The following CCSER1 variants were observed in gnomAD, a reference collection of about 807,000 sequenced individuals.
The protein encoded by CCSER1 is serine-rich coiled-coil domain-containing protein 1.
A neutral mutation model predicts 82.0 loss-of-function variants in CCSER1; 41 were observed. The observed-to-expected ratio is 0.50, with a 90% CI of 0.39 to 0.65. The LOEUF is 0.65. Among genes scored for constraint, CCSER1 ranks in the 30% least tolerant of loss-of-function variants. The probability of loss-of-function intolerance (pLI) is 0.00; values close to 1 mark genes in which losing one functional copy is unlikely to be tolerated. For missense variants in CCSER1, 1,119 were observed against 1,064.2 expected, an observed-to-expected ratio of 1.05 and a Z score of -0.72; for synonymous variants, 414 against 383.9, an observed-to-expected ratio of 1.08 and a Z score of -0.92.
intron 5 of CCSER1, among the ~76,000 whole-genome samples, chr4:90,579,806 G>A (rs1318954751): frequency 6.7e-6 from 1 of 149,138 alleles, no homozygotes. Context: ...CTTTTGTGCA[G>A]TTTGACAAAT....
At position 90,901,048 on chromosome 4, in the gene CCSER1, C is replaced by CT. The variant is rs140291816; in HGVS notation, c.2095-22315dup. Among the ~76,000 whole-genome samples, 1,439 of 151,934 alleles carry CT rather than the reference C, an allele frequency of 9.5e-3. 19 individuals are homozygous for CT. Among genetic ancestry groups the CT allele is most frequent in the African/African-American group, 0.033 (1,364 of 41,474 alleles). ...AGCATCACATAATGCTCTAATTTGA[C>CT]TTTTTTTAAAAAAACTGTTGTTTAT... is the stretch of plus-strand genomic sequence containing the variant. On this transcript the variant is annotated intron_variant, in intron 8 of 10. Coordinates refer to ENST00000509176, the MANE Select transcript of CCSER1 (RefSeq NM_001145065.2).
chr4:91,483,347 A>G (rs1758048713), intron 10 of CCSER1, among the ~76,000 whole-genome samples: 1 of 152,190 alleles, frequency 6.6e-6, no homozygotes, highest in African/African-American at 2.4e-5. Context: ...CTTTCTGGCT[A>G]CTAGAAAAAT....
Position 91,594,344 on chromosome 4 carries a change from TACATATATATAC to T in CCSER1, c.2218-4200_2218-4189del, listed in dbSNP as rs1244115809. ...ATACATATATGTACACACATATATA[TACATATATATAC>T]ACATATATATACACATATATATACA... On this transcript the variant is annotated intron_variant, in intron 10 of 10. Coordinates refer to ENST00000509176, the MANE Select transcript of CCSER1 (RefSeq NM_001145065.2). 2.5e-3 allele frequency among the ~76,000 whole-genome samples: 373 copies of T among 146,888 alleles called. 1 individual carries two copies. The highest frequency in any genetic ancestry group is 0.013 in the East Asian group (68 of 5,040).
chr4:91,516,321 C>T (rs1019451788), intron 10 of CCSER1, among the ~76,000 whole-genome samples: 19 of 151,912 alleles, frequency 1.3e-4, no homozygotes, highest in African/African-American at 4.6e-4. Context: ...GGTTATTTTC[C>T]AGAGTTTTTA....
chr4:90,637,341 G>C (rs1187734371), intron 6 of CCSER1, among the ~76,000 whole-genome samples: 1 of 152,154 alleles, frequency 6.6e-6, no homozygotes, highest in Non-Finnish European at 1.5e-5. Flanking sequence ...CAATCTGAGA[G>C]AGAGAAGACA....
At chr4:90,967,789 CAT>C (rs1734712325) in intron 9 of CCSER1, among the ~76,000 whole-genome samples, 1 of 152,022 alleles carries the variant, frequency 6.6e-6, no homozygotes, top group Non-Finnish European at 1.5e-5. Context: ...CCCTAAGAAA[CAT>C]ATTTTTTCAC....
At chr4:90,544,844 GGC>G (rs1269863476) in intron 5 of CCSER1, among the ~76,000 whole-genome samples, 1 of 152,056 alleles carries the variant, frequency 6.6e-6, no homozygotes, top group African/African-American at 2.4e-5. Context: ...CATGAATTTG[GGC>G]GATGTTAAAT....
At chr4:90,823,268 T>A (rs184128585) in intron 8 of CCSER1, among the ~76,000 whole-genome samples, 2 of 152,196 alleles carry the variant, frequency 1.3e-5, no homozygotes, top group African/African-American at 4.8e-5. Flanking sequence ...CACTTTAAAA[T>A]TTTTTTCAAT....
intron 9 of CCSER1, among the ~76,000 whole-genome samples, chr4:91,020,633 G>T (rs964154793): frequency 6.6e-6 from 1 of 151,908 alleles, no homozygotes; most frequent in Admixed American, 6.6e-5. Flanking sequence ...CTGCACTCCA[G>T]CCTGGGTGAC....
At chr4:90,241,595 C>T (rs959140434) in intron 1 of CCSER1, among the ~76,000 whole-genome samples, 3 of 152,072 alleles carry the variant, frequency 2.0e-5, no homozygotes, top group Non-Finnish European at 2.9e-5. Context: ...TTTCTAGAAA[C>T]ACTGTTATTC....
At position 91,479,887 on chromosome 4, in the gene CCSER1, AC is replaced by A. The variant is rs1219947633; in HGVS notation, c.2218-118680del. 3.7e-5 allele frequency among the ~76,000 whole-genome samples: 4 copies of A among 106,744 alleles called. No individual in the cohort carries two copies. The East Asian group carries it at 1.0e-3, about 27-fold the overall frequency. 70.0% of individuals were successfully genotyped at this position (106,744 alleles called of 152,430 possible). ...AGGTATATCTCCCAATGCTATCCCT[AC>A]CCCCTCCCCCCACCCCACCACAGTC... On this transcript the variant is annotated intron_variant, in intron 10 of 10. Transcript: ENST00000509176.
At chr4:90,301,983 A>T (rs1733229890) in intron 1 of CCSER1, among the ~76,000 whole-genome samples, 1 of 152,084 alleles carries the variant, frequency 6.6e-6, no homozygotes, top group African/African-American at 2.4e-5. Flanking sequence ...CAAATTTCAG[A>T]TTATTGAACT....
At chr4:91,074,202 TG>T (rs1054550348) in intron 9 of CCSER1, among the ~76,000 whole-genome samples, 3 of 152,086 alleles carry the variant, frequency 2.0e-5, no homozygotes, top group African/African-American at 7.2e-5. Context: ...TTCAGCCCAA[TG>T]GGGGAAGAAC....
intron 4 of CCSER1, among the ~76,000 whole-genome samples, chr4:90,418,336 T>C (rs1560488369): frequency 6.6e-6 from 1 of 152,124 alleles, no homozygotes. Flanking sequence ...TTTAGTGATC[T>C]TTCCAGTCTC....
rs564346926 is a variant in CCSER1 at position 90,756,153 on chromosome 4, G to A, written c.2010+32162G>A. Among the ~76,000 whole-genome samples, 633 of 152,224 alleles carry A rather than the reference G, an allele frequency of 4.2e-3. 2 individuals are homozygous for A. Among genetic ancestry groups the A allele is most frequent in the African/African-American group, 0.015 (608 of 41,534 alleles). ...TGAAGCAGGAGAATTGCTTGAATCC[G>A]GGAGACAGAGATTGCAGTGAGCTGA... On this transcript the variant is annotated intron_variant, in intron 7 of 10. Coordinates refer to ENST00000509176, the MANE Select transcript of CCSER1 (RefSeq NM_001145065.2).
chr4:91,092,428 G>T (rs374082275), intron 10 of CCSER1, among the ~76,000 whole-genome samples: 1 of 152,176 alleles, frequency 6.6e-6, no homozygotes, highest in African/African-American at 2.4e-5. Context: ...CTGCATTTGG[G>T]CATCTCTGTG....
At chr4:91,594,220 G>A (rs538563268) in intron 10 of CCSER1, among the ~76,000 whole-genome samples, 15 of 151,354 alleles carry the variant, frequency 9.9e-5, no homozygotes, top group African/African-American at 3.6e-4. Context: ...ATAAACATTG[G>A]TTAACATCAT....
At chr4:91,420,667 T>C (rs1578411672) in intron 10 of CCSER1, among the ~76,000 whole-genome samples, 1 of 152,158 alleles carries the variant, frequency 6.6e-6, no homozygotes, top group Non-Finnish European at 1.5e-5. Flanking sequence ...TACCATAGGA[T>C]CCAGAAATTC....
chr4:91,395,125 C>T (rs550025334), intron 10 of CCSER1, among the ~76,000 whole-genome samples: 4 of 151,902 alleles, frequency 2.6e-5, no homozygotes, highest in Admixed American at 6.6e-5. Context: ...AATTATTCAA[C>T]CTGGTGTTCT....
Sources: allele counts gnomAD v4.1 joint callset (sites outside exome capture counted in the v4.1 genomes callset), GRCh38; gene constraint gnomAD v4.1.1; transcripts MANE v1.5; gene names NCBI Gene and HGNC (gene_info 2026-07-23, HGNC 2026-07-21).